The following FFAR4 variants were observed in gnomAD, a reference collection of about 807,000 sequenced individuals.
FFAR4 encodes free fatty acid receptor 4, also known as G-protein coupled receptor 120.
A neutral mutation model predicts 27.0 loss-of-function variants in FFAR4; 19 were observed. The ratio of observed to expected loss-of-function variants is 0.70; its 90% CI spans 0.49 to 1.03. FFAR4 has a LOEUF of 1.03. Ranked by LOEUF, FFAR4 falls within the 50% of genes least tolerant of loss-of-function variation. FFAR4 has a pLI of 0.00. For missense variants in FFAR4, 476 were observed against 479.0 expected, an observed-to-expected ratio of 0.99 and a Z score of 0.06; for synonymous variants, 254 against 215.6, an observed-to-expected ratio of 1.18 and a Z score of -1.56.
intron 2 of FFAR4, 117 bp downstream of exon 2, chr10:93,576,336 T>G (rs2058163907): frequency 9.9e-7 from 1 of 1,011,262 alleles, no homozygotes; most frequent in Non-Finnish European, 1.5e-6. Flanking sequence ...TCAATCTTGA[T>G]TCACTGCCCA....
Position 93,587,420 on chromosome 10 carries a change from G to T in FFAR4, c.897G>T (p.Trp299Cys), listed in dbSNP as rs536897597. 1.2e-6 allele frequency: 2 copies of T among 1,613,882 alleles called. No individual in the cohort carries two copies. Among genetic ancestry groups the T allele is most frequent in the Admixed American group, 1.7e-5 (1 of 59,994 alleles). Reference sequence around the variant, plus strand: ...ACTTCAAGCAAGACCTGGTCATCTGGCCGTCCCTCTTCTTCTGGGTGGTGG... The same window carrying T: ...ACTTCAAGCAAGACCTGGTCATCTGTCCGTCCCTCTTCTTCTGGGTGGTGG... ...IQNFKQDLVI[W>C]PSLFFWVVAF... Residue 299 changes from tryptophan (W) to cysteine (C), a missense_variant, in exon 3 of 3, where the codon TGG becomes TGT. Transcript: ENST00000371481.
chr10:93,584,273 T>TGAGGGGAGGG (rs1403705455), intron 2 of FFAR4, among the ~76,000 whole-genome samples: 3 of 152,112 alleles, frequency 2.0e-5, no homozygotes, highest in Non-Finnish European at 4.4e-5. Context: ...GCAGAGCCAT[T>TGAGGGGAGGG]GAGGGGAGGG....
intron 1 of FFAR4, among the ~76,000 whole-genome samples, chr10:93,570,989 C>G (rs1451225925): frequency 6.6e-6 from 1 of 152,210 alleles, no homozygotes; most frequent in Non-Finnish European, 1.5e-5. Flanking sequence ...AATGGGCCAA[C>G]ACCTGGCACA....
Position 93,587,324 on chromosome 10 carries a change from C to T in FFAR4, c.801C>T (p.Phe267=), listed in dbSNP as rs778445578. 2.5e-6 allele frequency: 4 copies of T among 1,614,062 alleles called. No individual in the cohort carries two copies. In the African/African-American group the frequency reaches 4.0e-5, roughly 16 times the overall value. ...QQDFRLFRTL[F]LLMVSFFIMW... ...ACTTCCGGCTCTTCCGCACCCTCTT[C>T]CTCCTCATGGTCTCCTTCTTCATCA... is the stretch of plus-strand genomic sequence containing the variant. Residue 267 remains phenylalanine (F), a synonymous_variant, in exon 3 of 3, where the codon TTC becomes TTT. Coordinates refer to ENST00000371481, the MANE Select transcript of FFAR4 (RefSeq NM_001195755.2).
chr10:93,587,861 G>A lies in FFAR4; in HGVS notation c.*252G>A. 2 of 373,762 alleles carry A rather than the reference G, an allele frequency of 5.4e-6. No individual in the cohort carries two copies. The highest frequency in any genetic ancestry group is 3.1e-5 in the South Asian group (1 of 32,050). The allele number at this position is 373,762 out of a possible 1,614,324, so 23.2% of individuals were successfully genotyped here. ...AGCAGTTTGGGAGGCTGAGGTGGGT[G>A]GATCACCTGAGGTCAGGAGTTCGAG... On this transcript the variant is annotated 3_prime_UTR_variant, in exon 3 of 3. Transcript: ENST00000371481.
intron 2 of FFAR4, among the ~76,000 whole-genome samples, chr10:93,577,895 C>T (rs548698694): frequency 3.3e-5 from 5 of 152,094 alleles, no homozygotes; most frequent in Admixed American, 6.6e-5. Context: ...TAAGGGCCTG[C>T]TCTGTGCGAA....
Position 93,587,770 on chromosome 10 carries a change from T to G in FFAR4, c.*161T>G. On this transcript the variant is annotated 3_prime_UTR_variant, in exon 3 of 3. Transcript: ENST00000371481. Reference sequence around the variant, plus strand: ...GTAAATTAAGGGGTGATCACCAAGTTTCATAATATTTTCCCTTTATAAAAG... The same window carrying G: ...GTAAATTAAGGGGTGATCACCAAGTGTCATAATATTTTCCCTTTATAAAAG... 1.5e-6 allele frequency: 1 copy of G among 682,262 alleles called. No individual in the cohort carries two copies. Among genetic ancestry groups the G allele is most frequent in the East Asian group, 2.6e-5 (1 of 37,896 alleles). The allele number at this position is 682,262 out of a possible 1,614,324, so 42.3% of individuals were successfully genotyped here.
chr10:93,576,399 A>G (rs561681947), intron 2 of FFAR4, among the ~76,000 whole-genome samples, 180 bp downstream of exon 2: 6 of 152,322 alleles, frequency 3.9e-5, no homozygotes, highest in Non-Finnish European at 8.8e-5. Flanking sequence ...TATCTTTGTG[A>G]TTATGTTTTT....
rs760688109 is a variant in FFAR4 at position 93,576,049 on chromosome 10, A to T, written c.568-42A>T. The T allele has an allele frequency of 2.1e-5, 34 of 1,609,224 alleles. 2 individuals are homozygous for T. In the South Asian group the frequency reaches 3.6e-4, roughly 17 times the overall value. On this transcript the variant is annotated intron_variant, in intron 1 of 2. Transcript: ENST00000371481. Reference sequence around the variant, plus strand: ...TAAGACTGAGCCAGAGGCCAATAAGAAGCCAGCATTTACATGATGTTCTTT... The same window carrying T: ...TAAGACTGAGCCAGAGGCCAATAAGTAGCCAGCATTTACATGATGTTCTTT...
chr10:93,587,620 T>C lies in FFAR4; in HGVS notation c.*11T>C, dbSNP rs200040318. On this transcript the variant is annotated 3_prime_UTR_variant, in exon 3 of 3. Transcript: ENST00000371481. ...ATTATTTCTGGCTAATTTTTCTTTA[T>C]AGCCGAGTTTCTCACACCTGGCGAG... The C allele has an allele frequency of 6.2e-7, 1 of 1,606,204 alleles. No homozygotes were observed. The highest frequency in any genetic ancestry group is 1.3e-5 in the African/African-American group (1 of 74,828).
At chr10:93,569,522 C>G (rs763297613) in intron 1 of FFAR4, among the ~76,000 whole-genome samples, 1 of 152,090 alleles carries the variant, frequency 6.6e-6, no homozygotes, top group Non-Finnish European at 1.5e-5. Context: ...CCAGAGTGGC[C>G]ACAGTTGTGC....
At chr10:93,582,821 G>A (rs1301190855) in intron 2 of FFAR4, among the ~76,000 whole-genome samples, 2 of 152,162 alleles carry the variant, frequency 1.3e-5, no homozygotes, top group African/African-American at 4.8e-5. Context: ...TGGCTGGGGA[G>A]GCCTCAGGAA....
chr10:93,566,921 C>A lies in FFAR4; in HGVS notation c.201C>A (p.Arg67=). ...GNVCALVLVA[R]RRRRGATACL... is the part of the protein sequence containing the mutation. The stretch of plus-strand genomic sequence containing the variant: ...TGTGCGCCCTGGTGCTGGTGGCGCG[C>A]CGACGACGCCGCGGCGCGACTGCCT... Residue 67 remains arginine, a synonymous_variant, in exon 1 of 3, where the codon CGC becomes CGA. Coordinates refer to ENST00000371481, the MANE Select transcript of FFAR4 (RefSeq NM_001195755.2). 6.2e-7 allele frequency: 1 copy of A among 1,609,346 alleles called. No individual in the cohort carries two copies. The highest frequency in any genetic ancestry group is 8.5e-7 in the Non-Finnish European group (1 of 1,178,944).
chr10:93,580,203 GC>G (rs1276043334), intron 2 of FFAR4, among the ~76,000 whole-genome samples: 1 of 152,160 alleles, frequency 6.6e-6, no homozygotes, highest in African/African-American at 2.4e-5. Context: ...TTCTGTCCAA[GC>G]TTTTTCTGTG....
rs1564786427 is a variant in FFAR4, at chr10:93,587,790, T to TA, written c.*185dup. 2.1e-5 allele frequency: 13 copies of TA among 627,978 alleles called. No individual in the cohort carries two copies. The highest frequency in any genetic ancestry group is 1.8e-4 in the Admixed American group (6 of 33,000). 38.9% of individuals were successfully genotyped at this position (627,978 alleles called of 1,614,324 possible). On this transcript the variant is annotated 3_prime_UTR_variant, in exon 3 of 3. Transcript: ENST00000371481. Reference sequence around the variant, plus strand: ...CAAGTTTCATAATATTTTCCCTTTATAAAAGGATTTGTTGGCCAGGTGCAG... The same window carrying TA: ...CAAGTTTCATAATATTTTCCCTTTATAAAAAGGATTTGTTGGCCAGGTGCAG...
Position 93,587,943 on chromosome 10 carries a change from T to G in FFAR4, c.*334T>G. 1 of 178,562 alleles carries G rather than the reference T, an allele frequency of 5.6e-6. No homozygotes were observed. 11.1% of individuals were successfully genotyped at this position (178,562 alleles called of 1,614,324 possible). A position where few individuals can be genotyped will look rare whatever the true frequency, so the allele number is the denominator to read the frequency against. ...CTCTACTAAAAATAAAAAAAAAAATTAGCTGGGAGTGGTGGTGGGCACCTG... is the reference window on the plus strand; with the variant it reads ...CTCTACTAAAAATAAAAAAAAAAATGAGCTGGGAGTGGTGGTGGGCACCTG... On this transcript the variant is annotated 3_prime_UTR_variant, in exon 3 of 3. Transcript: ENST00000371481.
intron 1 of FFAR4, among the ~76,000 whole-genome samples, chr10:93,569,739 T>G: frequency 6.8e-6 from 1 of 147,138 alleles, no homozygotes; most frequent in Admixed American, 6.8e-5. Context: ...TTAGTAGAGG[T>G]GAGGTGGGAA....
rs916718233 is a variant in FFAR4, at chr10:93,589,392, T to C, written c.*1783T>C. 1 of 152,232 alleles carries C rather than the reference T, an allele frequency of 6.6e-6. No individual in the cohort carries two copies. The highest frequency in any genetic ancestry group is 2.1e-4 in the South Asian group (1 of 4,818). The allele number at this position is 152,232 out of a possible 1,614,324, so 9.4% of individuals were successfully genotyped here. A position where few individuals can be genotyped will look rare whatever the true frequency, so the allele number is the denominator to read the frequency against. ...GAAGTGTGACATGGGGATGGGACCT[T>C]GGAGGTGAGTGGCATTAGGGAGGGA... is the stretch of plus-strand genomic sequence containing the variant. On this transcript the variant is annotated 3_prime_UTR_variant, in exon 3 of 3. Transcript: ENST00000371481.
chr10:93,572,325 G>A (rs1361951950), intron 1 of FFAR4, among the ~76,000 whole-genome samples: 1 of 152,216 alleles, frequency 6.6e-6, no homozygotes, highest in Non-Finnish European at 1.5e-5. Flanking sequence ...GGATGGAGAC[G>A]AGGAGGACAT....
Sources: gnomAD v4.1 joint callset for allele counts (sites outside exome capture counted in the v4.1 genomes callset) on GRCh38, gnomAD v4.1.1 for gene constraint, MANE v1.5 for transcripts, NCBI Gene and HGNC (gene_info 2026-07-23, HGNC 2026-07-21) for gene names.